ZNF423: variants seen among roughly 807,000 people sequenced by gnomAD.
ZNF423 encodes zinc finger protein 423, also known as Ebf-associated zinc finger protein.
ZNF423 carries 12 observed loss-of-function variants against 95.8 expected under a neutral mutation model. The observed-to-expected ratio is 0.13, with a 90% confidence interval of 0.08 to 0.20. ZNF423 has a LOEUF of 0.20. Among genes scored for constraint, ZNF423 ranks in the 10% least tolerant of loss-of-function variants. The pLI is 1.00. For synonymous variants in ZNF423, 749 were observed against 711.9 expected (o/e 1.05, Z -0.83); for missense variants, 1,316 against 1,737.1 (o/e 0.76, Z 4.31).
intron 5 of ZNF423, among the ~76,000 whole-genome samples, chr16:49,557,481 G>T (rs980438817): frequency 2.6e-5 from 4 of 152,354 alleles, no homozygotes; most frequent in Admixed American, 2.6e-4. Context: ...CTAGGAGCAG[G>T]TGGCCCTGGG....
chr16:49,774,349 C>T (rs12597340), intron 2 of ZNF423, among the ~76,000 whole-genome samples: 24,351 of 152,070 alleles, frequency 0.16, 2,457 homozygotes, highest in East Asian at 0.3. Flanking sequence ...CCGCCAGACA[C>T]GGAGTAAGTG....
chr16:49,581,754 G>A (rs375957282), intron 5 of ZNF423, among the ~76,000 whole-genome samples: 11 of 152,130 alleles, frequency 7.2e-5, no homozygotes, highest in African/African-American at 2.2e-4. Flanking sequence ...TGTCTTGGGT[G>A]ATGAAAAGTA....
chr16:49,730,714 C>G, intron 3 of ZNF423, 57 bp downstream of exon 3: 1 of 1,567,012 alleles, frequency 6.4e-7, no homozygotes, highest in Non-Finnish European at 8.8e-7. Flanking sequence ...CAAGCTGTTG[C>G]TATGTCCAAT....
At chr16:49,624,018 C>T (rs1163937258) in intron 5 of ZNF423, among the ~76,000 whole-genome samples, 5 of 152,098 alleles carry the variant, frequency 3.3e-5, no homozygotes, top group South Asian at 4.1e-4. Flanking sequence ...CTGGTGGGGG[C>T]GTTAAGTCCA....
chr16:49,513,368 C>A (rs746847879), intron 7 of ZNF423, among the ~76,000 whole-genome samples: 2 of 152,232 alleles, frequency 1.3e-5, no homozygotes, highest in African/African-American at 4.8e-5. Flanking sequence ...TCACAGAAAG[C>A]GCAGCCAGAG....
At chr16:49,624,495 G>A (rs1411463871) in intron 5 of ZNF423, among the ~76,000 whole-genome samples, 3 of 152,226 alleles carry the variant, frequency 2.0e-5, no homozygotes, top group African/African-American at 7.2e-5. Context: ...GGAGGTTGCA[G>A]TGGGCAGAGA....
chr16:49,529,363 C>A (rs1968752131), intron 5 of ZNF423, among the ~76,000 whole-genome samples: 1 of 152,082 alleles, frequency 6.6e-6, no homozygotes, highest in Non-Finnish European at 1.5e-5. Context: ...AAACAACCCG[C>A]CAAGCAGGAA....
chr16:49,731,878 A>G (rs1419921376), intron 2 of ZNF423, among the ~76,000 whole-genome samples: 2 of 152,184 alleles, frequency 1.3e-5, no homozygotes, highest in African/African-American at 4.8e-5. Context: ...CAGTCGTGGA[A>G]TGATCTCACT....
intron 1 of ZNF423, among the ~76,000 whole-genome samples, chr16:49,827,891 T>C (rs932055603): frequency 2.6e-5 from 4 of 152,206 alleles, no homozygotes; most frequent in Non-Finnish European, 4.4e-5. Context: ...TGAGCCACCA[T>C]GCCCAGTCTG....
At chr16:49,578,805 C>T (rs1488740993) in intron 5 of ZNF423, among the ~76,000 whole-genome samples, 1 of 152,350 alleles carries the variant, frequency 6.6e-6, no homozygotes, top group South Asian at 2.1e-4. Context: ...GACCCAAGGA[C>T]CTTTTGTTCC....
intron 3 of ZNF423, among the ~76,000 whole-genome samples, chr16:49,690,036 C>T (rs1046059485): frequency 2.0e-5 from 3 of 152,158 alleles, no homozygotes; most frequent in Admixed American, 1.3e-4. Flanking sequence ...ACTCCACCTC[C>T]CTGCACCCCC....
At chr16:49,803,880 A>G (rs1210021907) in intron 1 of ZNF423, among the ~76,000 whole-genome samples, 1 of 150,926 alleles carries the variant, frequency 6.6e-6, no homozygotes, top group Non-Finnish European at 1.5e-5. Context: ...CCATAGCCAT[A>G]GCCCCAGAGC....
intron 5 of ZNF423, among the ~76,000 whole-genome samples, chr16:49,559,879 G>A (rs115128584): frequency 9.7e-4 from 148 of 152,298 alleles, no homozygotes; most frequent in African/African-American, 3.2e-3. Flanking sequence ...CCCAAGAGAG[G>A]TGCAAACGGT....
chr16:49,769,257 A>C (rs2033986737), intron 2 of ZNF423, among the ~76,000 whole-genome samples: 1 of 151,934 alleles, frequency 6.6e-6, no homozygotes, highest in South Asian at 2.1e-4. Context: ...CGGGAGGCTG[A>C]GGCAGGAGAA....
chr16:49,839,057 C>T lies in ZNF423; in HGVS notation c.40+16678G>A, dbSNP rs370868025. On this transcript the variant is annotated intron_variant, in intron 1 of 7. Coordinates refer to ENST00000563137, the MANE Select transcript of ZNF423 (RefSeq NM_001379286.1). ...TTTTCCCCGCCTCTTCCCAGCCATC[C>T]CCCCTCTTCCCCGCCTCCTCCCCAA... is the stretch of plus-strand genomic sequence containing the variant. 1.9e-4 allele frequency among the ~76,000 whole-genome samples: 28 copies of T among 149,850 alleles called. 1 individual carries two copies. The South Asian group carries it at 5.5e-3, about 30-fold the overall frequency.
chr16:49,632,097 G>A (rs893879791), intron 4 of ZNF423, among the ~76,000 whole-genome samples: 1 of 152,182 alleles, frequency 6.6e-6, no homozygotes, highest in Non-Finnish European at 1.5e-5. Context: ...GCAGAGAAAG[G>A]CACCGTGGGG....
chr16:49,532,623 G>C (rs1009554247), intron 5 of ZNF423, among the ~76,000 whole-genome samples: 1 of 152,208 alleles, frequency 6.6e-6, no homozygotes, highest in African/African-American at 2.4e-5. Context: ...GCTTGGGATT[G>C]ATGGTGTGGA....
chr16:49,730,784 G>T lies in ZNF423; in HGVS notation c.288C>A (p.His96Gln). 1 of 1,614,228 alleles carries T rather than the reference G, an allele frequency of 6.2e-7. No individual in the cohort carries two copies. Among genetic ancestry groups the T allele is most frequent in the Non-Finnish European group, 8.5e-7 (1 of 1,180,042 alleles). ...SLADLTDHRA[H>Q]RCPGDGDDDP... ...GTTTTGCATTACCTCCAGGACAGCG[G>T]TGGGCCCGGTGGTCCGTCAGGTCTG... Residue 96 changes from histidine (H) to glutamine (Q), a missense_variant, in exon 3 of 8, where the codon CAC (histidine) becomes CAA (glutamine). Physicochemically the swap from His to Gln is conservative, Grantham distance 24. This residue lies in a region of ZNF423 where 155 missense variants were observed against 170.8 expected (regional missense o/e 0.91). Transcript: ENST00000563137.
intron 1 of ZNF423, among the ~76,000 whole-genome samples, chr16:49,799,776 T>C (rs973644034): frequency 3.3e-5 from 5 of 152,184 alleles, no homozygotes; most frequent in African/African-American, 9.7e-5. Flanking sequence ...CTTGAAGTTT[T>C]CTTTGTTTTG....
Sources: gnomAD v4.1 joint callset for allele counts (sites outside exome capture counted in the v4.1 genomes callset) on GRCh38, gnomAD v4.1.1 for gene constraint, gnomAD v4.1.1 regional missense constraint, MANE v1.5 for transcripts, NCBI Gene and HGNC (gene_info 2026-07-23, HGNC 2026-07-21) for gene names.